PLXNC1: variants seen among roughly 807,000 people sequenced by gnomAD.
The protein encoded by PLXNC1 is plexin-C1.
In PLXNC1, 75 loss-of-function variants were observed where a neutral mutation model predicts 178.2. The observed-to-expected ratio is 0.42, with a 90% CI of 0.35 to 0.51. The LOEUF (loss-of-function observed/expected upper bound fraction) is 0.51. PLXNC1 is among the 20% of genes least tolerant of loss of function. PLXNC1 has a pLI of 0.02. For missense variants in PLXNC1, 1,503 were observed against 1,984.4 expected, an observed-to-expected ratio of 0.76 and a Z score of 4.61; for synonymous variants, 790 against 779.9, an observed-to-expected ratio of 1.01 and a Z score of -0.22.
intron 4 of PLXNC1, among the ~76,000 whole-genome samples, chr12:94,199,872 C>A (rs186304814): frequency 6.6e-6 from 1 of 152,296 alleles, no homozygotes; most frequent in East Asian, 1.9e-4. Context: ...CTCACTGCAA[C>A]CTCCACCTCC....
At chr12:94,245,022 A>C (rs1964488561) in intron 12 of PLXNC1, among the ~76,000 whole-genome samples, 1 of 152,192 alleles carries the variant, frequency 6.6e-6, no homozygotes, top group East Asian at 1.9e-4. Flanking sequence ...CCTCAGGAGC[A>C]GTGTGGGTTC....
intron 14 of PLXNC1, among the ~76,000 whole-genome samples, chr12:94,249,559 A>G (rs878884597): frequency 1.3e-5 from 2 of 152,064 alleles, no homozygotes; most frequent in Non-Finnish European, 2.9e-5. Flanking sequence ...GTCAGGAATA[A>G]CAACTAGGCT....
At chr12:94,156,453 C>A (rs1961168320) in intron 1 of PLXNC1, among the ~76,000 whole-genome samples, 1 of 151,160 alleles carries the variant, frequency 6.6e-6, no homozygotes, top group Non-Finnish European at 1.5e-5. Context: ...ATGCCTCAGG[C>A]CTGCCTTGAT....
At chr12:94,251,650 T>A (rs987148986) in intron 15 of PLXNC1, 122 bp downstream of exon 15, 25 of 699,066 alleles carry the variant, frequency 3.6e-5, no homozygotes, top group Admixed American at 1.6e-4. Context: ...AAAGCCCAAA[T>A]CAAAACTTTG....
chr12:94,190,424 A>C (rs1962678877), intron 4 of PLXNC1, among the ~76,000 whole-genome samples: 1 of 152,022 alleles, frequency 6.6e-6, no homozygotes, highest in African/African-American at 2.4e-5. Flanking sequence ...TGTATTTTGT[A>C]GAGACGGGGT....
chr12:94,203,849 TGTTGA>T (rs1963214104), intron 4 of PLXNC1, among the ~76,000 whole-genome samples: 1 of 152,182 alleles, frequency 6.6e-6, no homozygotes, highest in African/African-American at 2.4e-5. Flanking sequence ...AATGCAACTC[TGTTGA>T]AAGGTGGGAC....
chr12:94,171,558 C>G (rs942092055), intron 2 of PLXNC1, among the ~76,000 whole-genome samples: 27 of 152,138 alleles, frequency 1.8e-4, no homozygotes, highest in African/African-American at 6.5e-4. Context: ...GGATTTGAAC[C>G]TGGAATGACT....
At chr12:94,236,724 T>C (rs1227036616) in intron 9 of PLXNC1, among the ~76,000 whole-genome samples, 2 of 152,206 alleles carry the variant, frequency 1.3e-5, no homozygotes, top group Admixed American at 6.5e-5. Context: ...GGTAGAATCT[T>C]AGAATCTTAT....
rs1969152695 is a variant in PLXNC1 at position 94,307,363 on chromosome 12, A to C, written c.*2078A>C. On this transcript the variant is annotated 3_prime_UTR_variant, in exon 31 of 31. Transcript: ENST00000258526. ...TCACATTTTGGATCACATTAGCCAA[A>C]TGCAGTAAATGGCCAAATTAGATGT... is the stretch of plus-strand genomic sequence containing the variant. 6.6e-6 allele frequency: 1 copy of C among 152,242 alleles called. No homozygotes were observed. 9.4% of individuals were successfully genotyped at this position (152,242 alleles called of 1,614,324 possible).
chr12:94,243,815 A>G (rs996595771), intron 11 of PLXNC1, 123 bp from the exon 12 acceptor site: 2 of 464,820 alleles, frequency 4.3e-6, no homozygotes, highest in Admixed American at 7.6e-5. Context: ...AAAATTCATT[A>G]ATTTGCTCTC....
intron 3 of PLXNC1, among the ~76,000 whole-genome samples, chr12:94,182,833 G>A (rs886934405): frequency 9.9e-5 from 15 of 151,984 alleles, no homozygotes; most frequent in Non-Finnish European, 2.1e-4. Flanking sequence ...ACTTGGAGAG[G>A]TTAAATAACT....
intron 21 of PLXNC1, among the ~76,000 whole-genome samples, chr12:94,275,547 C>A (rs556377092): frequency 6.6e-6 from 1 of 152,188 alleles, no homozygotes; most frequent in African/African-American, 2.4e-5. Context: ...CTTGACTGTA[C>A]TTACGCCTTA....
At chr12:94,243,570 A>T in intron 11 of PLXNC1, among the ~76,000 whole-genome samples, 1 of 152,362 alleles carries the variant, frequency 6.6e-6, no homozygotes, top group South Asian at 2.1e-4. Context: ...TATATAGATT[A>T]AACAGTAATC....
intron 1 of PLXNC1, among the ~76,000 whole-genome samples, chr12:94,155,342 C>T (rs1004243623): frequency 6.6e-6 from 1 of 152,198 alleles, no homozygotes; most frequent in African/African-American, 2.4e-5. Context: ...GACCCTACAC[C>T]AGACTTACTA....
At chr12:94,204,272 C>T (rs756795488) in intron 4 of PLXNC1, among the ~76,000 whole-genome samples, 3 of 152,230 alleles carry the variant, frequency 2.0e-5, no homozygotes, top group Non-Finnish European at 4.4e-5. Context: ...CCTCTGCTTA[C>T]TATCCCTGTG....
intron 21 of PLXNC1, chr12:94,277,003 C>T (rs569621356): frequency 3.2e-4 from 49 of 152,246 alleles, no homozygotes; most frequent in Admixed American, 2.4e-3. Flanking sequence ...TTTACTCTTG[C>T]GTAATTATCA....
chr12:94,218,097 T>C (rs1245241060), intron 5 of PLXNC1, among the ~76,000 whole-genome samples: 1 of 152,172 alleles, frequency 6.6e-6, no homozygotes, highest in Non-Finnish European at 1.5e-5. Context: ...CAAGATAAGA[T>C]GTGTGGTGCG....
intron 2 of PLXNC1, among the ~76,000 whole-genome samples, chr12:94,179,790 G>T (rs531178621): frequency 2.9e-4 from 43 of 150,832 alleles, no homozygotes; most frequent in African/African-American, 1.0e-3. Flanking sequence ...AAAGGAGCTT[G>T]CAATCTAGTA....
intron 3 of PLXNC1, 47 bp from the exon 4 acceptor site, chr12:94,186,326 G>A: frequency 7.3e-7 from 1 of 1,364,490 alleles, no homozygotes; most frequent in Non-Finnish European, 1.0e-6. Flanking sequence ...TAGTTTTCCT[G>A]CTGTTGCTTA....
Sources: gnomAD v4.1 joint callset for allele counts (sites outside exome capture counted in the v4.1 genomes callset) on GRCh38, gnomAD v4.1.1 for gene constraint, MANE v1.5 for transcripts, NCBI Gene and HGNC (gene_info 2026-07-23, HGNC 2026-07-21) for gene names.